The following RIC1 variants were observed in gnomAD, a reference collection of about 807,000 sequenced individuals.
The protein encoded by RIC1 is RIC1 partner of RAB6A GEF complex.
A neutral mutation model predicts 169.0 loss-of-function variants in RIC1; 88 were observed. That is an observed-to-expected ratio of 0.52 (90% confidence interval 0.44 to 0.62). RIC1 has a LOEUF of 0.62. RIC1 is among the 20% of genes least tolerant of loss of function. The pLI, the probability that RIC1 is intolerant of heterozygous loss-of-function variation, is 0.00. For synonymous variants in RIC1, 790 were observed against 601.5 expected (o/e 1.31, Z -4.59); for missense variants, 1,877 against 1,725.5 (o/e 1.09, Z -1.56).
At chr9:5,717,305 A>G (rs549110290) in intron 4 of RIC1, among the ~76,000 whole-genome samples, 1 of 152,162 alleles carries the variant, frequency 6.6e-6, no homozygotes, top group Non-Finnish European at 1.5e-5. Flanking sequence ...ACTCTGTTGT[A>G]TACAGTGATT....
chr9:5,639,461 G>C (rs1818130968), intron 1 of RIC1, among the ~76,000 whole-genome samples: 1 of 152,122 alleles, frequency 6.6e-6, no homozygotes, highest in African/African-American at 2.4e-5. Flanking sequence ...GAAGATGCTT[G>C]ATATTATTTC....
intron 3 of RIC1, among the ~76,000 whole-genome samples, chr9:5,710,669 TTAAAG>T (rs1382221000): frequency 6.6e-6 from 1 of 152,154 alleles, no homozygotes; most frequent in African/African-American, 2.4e-5. Flanking sequence ...AAAAAGGAAC[TTAAAG>T]TAAACAGATA....
chr9:5,750,289 C>G (rs1187437273), intron 12 of RIC1, among the ~76,000 whole-genome samples: 2 of 151,962 alleles, frequency 1.3e-5, no homozygotes, highest in East Asian at 3.9e-4. Context: ...GCATTTACTT[C>G]TGAAAGGTAC....
intron 1 of RIC1, among the ~76,000 whole-genome samples, chr9:5,639,635 C>A (rs373944474): frequency 6.6e-6 from 1 of 152,120 alleles, no homozygotes; most frequent in South Asian, 2.1e-4. Flanking sequence ...TCCGATGTTT[C>A]TTTGTTGAGT....
intron 1 of RIC1, among the ~76,000 whole-genome samples, chr9:5,647,786 TG>T (rs1438559716): frequency 6.6e-6 from 1 of 152,218 alleles, no homozygotes; most frequent in Non-Finnish European, 1.5e-5. Context: ...TTACGTTGAA[TG>T]GAAGTGGTAA....
intron 18 of RIC1, 140 bp from the exon 19 acceptor site, chr9:5,763,000 T>C (rs1826439065): frequency 2.0e-6 from 2 of 1,025,300 alleles, no homozygotes; most frequent in African/African-American, 1.6e-5. Flanking sequence ...TTATTAACTC[T>C]AATTCTAATT....
chr9:5,742,689 C>A (rs1825149444), intron 8 of RIC1, among the ~76,000 whole-genome samples, 180 bp from the exon 9 acceptor site: 1 of 148,960 alleles, frequency 6.7e-6, no homozygotes, highest in African/African-American at 2.5e-5. Flanking sequence ...TAGATCAGGA[C>A]AAAACTAATG....
chr9:5,769,338 T>C (rs1390833684), intron 22 of RIC1, 82 bp downstream of exon 22: 1 of 1,613,534 alleles, frequency 6.2e-7, no homozygotes, highest in Admixed American at 1.7e-5. Context: ...TAGTTGATAT[T>C]CAAGGAATTA....
At chr9:5,660,505 C>G (rs1819389197) in intron 2 of RIC1, among the ~76,000 whole-genome samples, 1 of 152,192 alleles carries the variant, frequency 6.6e-6, no homozygotes, top group Non-Finnish European at 1.5e-5. Context: ...CACAACCTAA[C>G]CAGCACCTGT....
intron 12 of RIC1, among the ~76,000 whole-genome samples, chr9:5,748,091 AAATT>A (rs1477110893): frequency 2.0e-5 from 3 of 152,254 alleles, no homozygotes; most frequent in Admixed American, 1.3e-4. Context: ...TTTAACATGG[AAATT>A]AATTCTCAAT....
chr9:5,646,716 C>G (rs1251055461), intron 1 of RIC1, among the ~76,000 whole-genome samples: 2 of 152,156 alleles, frequency 1.3e-5, no homozygotes, highest in African/African-American at 4.8e-5. Flanking sequence ...CTTATCCCCT[C>G]TTGTTAAAGT....
chr9:5,678,539 T>G (rs1403440837), intron 2 of RIC1, among the ~76,000 whole-genome samples: 5 of 151,994 alleles, frequency 3.3e-5, no homozygotes, highest in Non-Finnish European at 7.4e-5. Flanking sequence ...TGATTGCCAT[T>G]CTAACTGGTG....
chr9:5,689,514 T>C (rs2047892373), intron 2 of RIC1, among the ~76,000 whole-genome samples: 1 of 152,208 alleles, frequency 6.6e-6, no homozygotes, highest in Non-Finnish European at 1.5e-5. Flanking sequence ...ATAAATATGC[T>C]GTTCTGAAGT....
intron 3 of RIC1, among the ~76,000 whole-genome samples, chr9:5,703,091 C>T (rs1822337315): frequency 6.6e-6 from 1 of 152,152 alleles, no homozygotes; most frequent in Non-Finnish European, 1.5e-5. Flanking sequence ...TCACAAGAGT[C>T]CCCCAAAGTC....
At chr9:5,645,486 C>A (rs979397229) in intron 1 of RIC1, among the ~76,000 whole-genome samples, 2 of 152,202 alleles carry the variant, frequency 1.3e-5, no homozygotes, top group African/African-American at 4.8e-5. Context: ...TTACCACCAT[C>A]AGTATCCAGA....
At chr9:5,656,861 T>G (rs916171926) in intron 2 of RIC1, among the ~76,000 whole-genome samples, 171 bp downstream of exon 2, 18 of 152,230 alleles carry the variant, frequency 1.2e-4, no homozygotes, top group African/African-American at 4.3e-4. Context: ...CTACTATAGC[T>G]TTTCTTCTGA....
chr9:5,679,198 G>A (rs368527553), intron 2 of RIC1, among the ~76,000 whole-genome samples: 6 of 152,078 alleles, frequency 3.9e-5, no homozygotes, highest in South Asian at 2.1e-4. Flanking sequence ...TGTTCCATTG[G>A]TCTATATCTC....
intron 17 of RIC1, 120 bp downstream of exon 17, chr9:5,757,571 A>G: frequency 1.9e-6 from 2 of 1,037,940 alleles, no homozygotes; most frequent in Non-Finnish European, 2.8e-6. Context: ...ACCTTATATG[A>G]GAATGCTGGG....
chr9:5,748,542 C>T (rs1309370630), intron 12 of RIC1: 1 of 152,656 alleles, frequency 6.6e-6, no homozygotes, highest in Non-Finnish European at 1.5e-5. Context: ...GCACTAGCTA[C>T]TTCCTTGACT....
Sources: gnomAD v4.1 joint callset for allele counts (sites outside exome capture counted in the v4.1 genomes callset) on GRCh38, gnomAD v4.1.1 for gene constraint, MANE v1.5 for transcripts, NCBI Gene and HGNC (gene_info 2026-07-23, HGNC 2026-07-21) for gene names.